Variants in ANKRD28 observed in about 807,000 individuals in gnomAD.
The protein encoded by ANKRD28 is serine/threonine-protein phosphatase 6 regulatory ankyrin repeat subunit A.
In ANKRD28, 44 loss-of-function variants were observed where a neutral mutation model predicts 126.5. The ratio of observed to expected loss-of-function variants is 0.35; its 90% CI spans 0.27 to 0.45. The LOEUF (loss-of-function observed/expected upper bound fraction) is 0.45, where lower values mean the gene tolerates loss of function less well. ANKRD28 is among the 20% of genes least tolerant of loss of function. The pLI, the probability that ANKRD28 is intolerant of heterozygous loss-of-function variation, is 1.00. For missense variants in ANKRD28, 1,110 were observed against 1,316.6 expected (o/e 0.84, Z 2.43); for synonymous variants, 442 against 468.5 (o/e 0.94, Z 0.73).
At chr3:15,850,022 T>C (rs2061604299) in intron 1 of ANKRD28, among the ~76,000 whole-genome samples, 1 of 151,526 alleles carries the variant, frequency 6.6e-6, no homozygotes, top group Non-Finnish European at 1.5e-5. Context: ...AGCATGGTAC[T>C]GGCATGGGGA....
At position 15,854,393 on chromosome 3, in the gene ANKRD28, A is replaced by G. The variant is rs562625523; in HGVS notation, c.27+4984T>C. The stretch of plus-strand genomic sequence containing the variant: ...AACTGCTTGCTTTCAACATCCACAT[A>G]TACTTCTGGTGAACCTAAAATACCT... On this transcript the variant is annotated intron_variant, in intron 1 of 27. Transcript: ENST00000399451. This position sits in a 1 kb window ranked among gnomAD's most constrained non-coding sequence, Gnocchi z 4.1. 6.6e-6 allele frequency among the ~76,000 whole-genome samples: 1 copy of G among 152,104 alleles called. No individual in the cohort carries two copies. The highest frequency in any genetic ancestry group is 2.1e-4 in the South Asian group (1 of 4,820).
rs1008296780 is a variant in ANKRD28, at chr3:15,763,662, G to C, written c.280+2572C>G. On this transcript the variant is annotated intron_variant, in intron 3 of 27. Transcript: ENST00000683139. ...GTTCATGGTGTAAGCGGCTGAAGAA[G>C]GTTTAAGGCTAAGGAAACAGCAGTG... 2.0e-5 allele frequency among the ~76,000 whole-genome samples: 3 copies of C among 152,242 alleles called. No homozygotes were observed. In the East Asian group the frequency reaches 5.8e-4, roughly 29 times the overall value.
chr3:15,804,483 T>C (rs1008769519), intron 1 of ANKRD28, among the ~76,000 whole-genome samples: 6 of 145,918 alleles, frequency 4.1e-5, no homozygotes, highest in African/African-American at 1.3e-4. Flanking sequence ...GAACATTCCA[T>C]GTAAAAACTC....
rs2060860866 is a variant in ANKRD28 at position 15,817,720 on chromosome 3, T to C, written c.28-22414A>G. 6.6e-6 allele frequency among the ~76,000 whole-genome samples: 1 copy of C among 152,148 alleles called. No individual in the cohort carries two copies. Among genetic ancestry groups the C allele is most frequent in the Admixed American group, 6.6e-5 (1 of 15,256 alleles). The stretch of plus-strand genomic sequence containing the variant: ...CCACTAATTTCTTCCTAAGATGAGA[T>C]ACAAGCAAGAATGCCTGCTCTTAAT... On this transcript the variant is annotated intron_variant, in intron 1 of 27. Coordinates refer to the ANKRD28 transcript ENST00000399451. This position sits in a 1 kb window ranked among gnomAD's most constrained non-coding sequence, Gnocchi z 4.5.
chr3:15,742,280 C>A (rs897045463), intron 4 of ANKRD28, among the ~76,000 whole-genome samples: 10 of 148,594 alleles, frequency 6.7e-5, no homozygotes, highest in Non-Finnish European at 1.5e-4. Context: ...GCCATCCCAT[C>A]TAGGAAGTGA....
intron 2 of ANKRD28, among the ~76,000 whole-genome samples, chr3:15,769,320 T>C (rs560915390): frequency 1.3e-5 from 2 of 152,338 alleles, no homozygotes; most frequent in African/African-American, 4.8e-5. Context: ...AGAATTTATA[T>C]ATCATATTTT....
At chr3:15,700,317 G>A (rs1346051655) in intron 14 of ANKRD28, among the ~76,000 whole-genome samples, 1 of 151,984 alleles carries the variant, frequency 6.6e-6, no homozygotes, top group Non-Finnish European at 1.5e-5. Flanking sequence ...CCTGGGGGAG[G>A]GATAGCATTA....
intron 2 of ANKRD28, among the ~76,000 whole-genome samples, chr3:15,773,985 C>G (rs1335332274): frequency 1.3e-5 from 2 of 152,098 alleles, no homozygotes; most frequent in African/African-American, 4.8e-5. Context: ...ATGACCAGAG[C>G]AGAGTCTAGA....
At chr3:15,704,741 C>T (rs1428341482) in intron 14 of ANKRD28, among the ~76,000 whole-genome samples, 1 of 151,976 alleles carries the variant, frequency 6.6e-6, no homozygotes, top group East Asian at 1.9e-4. Context: ...TCCTTTAATG[C>T]CACTGTTTAA....
intron 19 of ANKRD28, 48 bp from the exon 20 acceptor site, chr3:15,686,167 TCTG>T: frequency 6.3e-7 from 1 of 1,598,446 alleles, no homozygotes; most frequent in Non-Finnish European, 8.5e-7. Context: ...AAGACTGTAC[TCTG>T]GTTTTCGAAA....
intron 2 of ANKRD28, among the ~76,000 whole-genome samples, chr3:15,767,620 G>A (rs897814706): frequency 1.4e-5 from 2 of 143,244 alleles, no homozygotes; most frequent in Admixed American, 1.5e-4. Flanking sequence ...CCAGCACTTT[G>A]GGAGGCTGAG....
chr3:15,678,039 C>A (rs563002727), intron 24 of ANKRD28, among the ~76,000 whole-genome samples, 170 bp downstream of exon 24: 1 of 152,198 alleles, frequency 6.6e-6, no homozygotes, highest in East Asian at 1.9e-4. Context: ...ATAGTCAGGG[C>A]AAACTAAAAC....
rs768702535 is a variant in ANKRD28, at chr3:15,712,128, G to T, written c.1273+12C>A. ...GAGGAGACATACAAAAGGCTGCAAAGGTTACACTTACCTGAAGAAAGAAGT... is the reference window on the plus strand; with the variant it reads ...GAGGAGACATACAAAAGGCTGCAAATGTTACACTTACCTGAAGAAAGAAGT... On this transcript the variant is annotated intron_variant, in intron 11 of 27. Coordinates refer to ENST00000683139, the MANE Select transcript of ANKRD28 (RefSeq NM_001349278.2). 6 of 1,561,738 alleles carry T rather than the reference G, an allele frequency of 3.8e-6. No homozygotes were observed. The highest frequency in any genetic ancestry group is 1.7e-4 in the Middle Eastern group (1 of 5,992).
chr3:15,681,773 G>A (rs1261898645), intron 21 of ANKRD28, among the ~76,000 whole-genome samples: 1 of 152,108 alleles, frequency 6.6e-6, no homozygotes, highest in Non-Finnish European at 1.5e-5. Flanking sequence ...GATATTGTAT[G>A]TGGCAATGCC....
intron 4 of ANKRD28, among the ~76,000 whole-genome samples, chr3:15,739,604 C>T (rs1303756850): frequency 6.6e-6 from 1 of 152,132 alleles, no homozygotes; most frequent in African/African-American, 2.4e-5. Flanking sequence ...ATAACATCTG[C>T]CTACCACTCT....
At chr3:15,768,898 CAG>C (rs2058871841) in intron 2 of ANKRD28, among the ~76,000 whole-genome samples, 4 of 152,268 alleles carry the variant, frequency 2.6e-5, no homozygotes, top group African/African-American at 7.2e-5. Flanking sequence ...CCCCAGGAAA[CAG>C]AATGCTCTAC....
intron 10 of ANKRD28, 57 bp from the exon 11 acceptor site, chr3:15,712,279 G>A (rs900361655): frequency 3.0e-6 from 4 of 1,336,230 alleles, no homozygotes; most frequent in Non-Finnish European, 1.0e-6. Flanking sequence ...AATACAATCA[G>A]TTAAATACAT....
rs758658802 is a variant in ANKRD28 at position 15,796,481 on chromosome 3, T to C, written c.41A>G (p.Asp14Gly). Residue 14 changes from aspartate to glycine, a missense_variant, in exon 1 of 28, where the codon GAT becomes GGT. Asp to Gly is a moderately conservative substitution (Grantham distance 94). Coordinates refer to ENST00000683139, the MANE Select transcript of ANKRD28 (RefSeq NM_001349278.2). ...TTTAGAAATGAATGCAGGAGATTCATCTTCTACCTCCTCCAAAACAACAAT... is the reference window on the plus strand; with the variant it reads ...TTTAGAAATGAATGCAGGAGATTCACCTTCTACCTCCTCCAAAACAACAAT... ...VCIVVLEEVE[D>G]ESPAFISKLP... 3.1e-6 allele frequency: 4 copies of C among 1,289,044 alleles called. No homozygotes were observed. The highest frequency in any genetic ancestry group is 3.0e-6 in the Non-Finnish European group (3 of 988,380). The allele number at this position is 1,289,044 out of a possible 1,614,324, so 79.9% of individuals were successfully genotyped here.
chr3:15,778,103 G>C (rs563054512), intron 2 of ANKRD28, among the ~76,000 whole-genome samples: 19 of 152,134 alleles, frequency 1.2e-4, no homozygotes, highest in African/African-American at 4.6e-4. Flanking sequence ...CTCCCAGCTG[G>C]TATTACATCA....
Sources: allele counts gnomAD v4.1 joint callset (sites outside exome capture counted in the v4.1 genomes callset), GRCh38; gene constraint gnomAD v4.1.1; non-coding constraint Gnocchi (gnomAD v3.1); transcripts MANE v1.5; gene names NCBI Gene and HGNC (gene_info 2026-07-23, HGNC 2026-07-21).